The following BAALC variants were observed in gnomAD, a reference collection of about 807,000 sequenced individuals.
BAALC encodes the protein brain and acute leukemia cytoplasmic protein.
Under a neutral mutation model 15.5 loss-of-function variants are expected in BAALC, and 9 were observed. The ratio of observed to expected loss-of-function variants is 0.58; its 90% CI spans 0.35 to 1.02. BAALC has a LOEUF of 1.02. Ranked by LOEUF, BAALC falls within the 50% of genes least tolerant of loss-of-function variation. BAALC has a pLI of 0.02. For synonymous variants in BAALC, 80 were observed against 74.6 expected (o/e 1.07, Z -0.37); for missense variants, 201 against 192.4 (o/e 1.04, Z -0.27).
At position 103,228,368 on chromosome 8, in the gene BAALC, T is replaced by G; in HGVS notation, c.*269T>G. 2.8e-6 allele frequency: 1 copy of G among 354,890 alleles called. No individual in the cohort carries two copies. Among genetic ancestry groups the G allele is most frequent in the Non-Finnish European group, 5.1e-6 (1 of 194,928 alleles). The allele number at this position is 354,890 out of a possible 1,614,324, so 22.0% of individuals were successfully genotyped here. On this transcript the variant is annotated 3_prime_UTR_variant, in exon 3 of 3. Transcript: ENST00000309982. ...GTTCAGTTTGTCTCTTTGCAACTCC[T>G]GTAATACGGTCTGGTGTAAAAGTAG...
chr8:103,189,507 G>T (rs531835166), intron 1 of BAALC, among the ~76,000 whole-genome samples: 4 of 151,266 alleles, frequency 2.6e-5, no homozygotes, highest in African/African-American at 7.4e-5. Flanking sequence ...CAGCCCAGCT[G>T]GGGGGAGAAA....
At chr8:103,166,349 A>C (rs10955311) in intron 1 of BAALC, 13,168 of 152,636 alleles carry the variant, frequency 0.086, 761 homozygotes, top group Middle Eastern at 0.13. Flanking sequence ...GGAGAAGCTA[A>C]ATTTCCATCA....
chr8:103,141,349 A>C, intron 1 of BAALC: 1 of 356,260 alleles, frequency 2.8e-6, no homozygotes, highest in Non-Finnish European at 5.0e-6. Flanking sequence ...GGGTGGGAGG[A>C]CAGCCCACCT....
intron 2 of BAALC, among the ~76,000 whole-genome samples, chr8:103,222,329 C>T (rs1276510610): frequency 1.5e-5 from 2 of 132,874 alleles, no homozygotes; most frequent in Admixed American, 7.4e-5. Flanking sequence ...CCACAAGAGA[C>T]TCTGTGGGGC....
At chr8:103,167,933 G>C (rs1364186383) in intron 1 of BAALC, among the ~76,000 whole-genome samples, 2 of 152,170 alleles carry the variant, frequency 1.3e-5, no homozygotes, top group African/African-American at 4.8e-5. Context: ...CAATATCTCA[G>C]ATAAGTCTTA....
At chr8:103,150,219 C>T (rs1193747592) in intron 1 of BAALC, among the ~76,000 whole-genome samples, 1 of 152,168 alleles carries the variant, frequency 6.6e-6, no homozygotes, top group Non-Finnish European at 1.5e-5. Flanking sequence ...CCCCATGATT[C>T]AATTACCTCC....
chr8:103,224,115 CTG>C (rs4002031), intron 2 of BAALC, among the ~76,000 whole-genome samples: 47,387 of 150,552 alleles, frequency 0.31, 7,519 homozygotes, highest in African/African-American at 0.38. Flanking sequence ...CTGCGTGCGT[CTG>C]TGTGTGTGTG....
At chr8:103,189,045 A>G (rs1035489163) in intron 1 of BAALC, among the ~76,000 whole-genome samples, 1 of 152,256 alleles carries the variant, frequency 6.6e-6, no homozygotes, top group Non-Finnish European at 1.5e-5. Flanking sequence ...AAACAAGGAT[A>G]GTAGTGAGGC....
At chr8:103,159,579 G>C (rs1811176459) in intron 1 of BAALC, among the ~76,000 whole-genome samples, 1 of 151,984 alleles carries the variant, frequency 6.6e-6, no homozygotes, top group Non-Finnish European at 1.5e-5. Context: ...TTAGCATATT[G>C]GATGGGTTTT....
intron 1 of BAALC, 28 bp from the exon 2 acceptor site, chr8:103,212,891 G>C: frequency 6.3e-7 from 1 of 1,594,948 alleles, no homozygotes; most frequent in Non-Finnish European, 8.6e-7. Context: ...GCAAGCTTCT[G>C]GTTCCATCCT....
chr8:103,217,669 A>C (rs1812589904), intron 2 of BAALC, among the ~76,000 whole-genome samples: 1 of 152,080 alleles, frequency 6.6e-6, no homozygotes, highest in Admixed American at 6.5e-5. Flanking sequence ...TTCCTTCTCT[A>C]GAAGATCCCT....
rs1006091226 is a variant in BAALC, at chr8:103,229,513, T to C, written c.*1414T>C. On this transcript the variant is annotated 3_prime_UTR_variant, in exon 3 of 3. Coordinates refer to ENST00000309982, the MANE Select transcript of BAALC (RefSeq NM_024812.3). Reference sequence around the variant, plus strand: ...CTTCCTTCCATTGGCAGATTGTATATTTATTCACAAAACATTAAATGTCCA... The same window carrying C: ...CTTCCTTCCATTGGCAGATTGTATACTTATTCACAAAACATTAAATGTCCA... 8 of 152,212 alleles carry C rather than the reference T, an allele frequency of 5.3e-5. 1 individual carries two copies. Among genetic ancestry groups the C allele is most frequent in the African/African-American group, 1.2e-4 (5 of 41,448 alleles). The allele number at this position is 152,212 out of a possible 1,614,324, so 9.4% of individuals were successfully genotyped here.
chr8:103,221,536 G>T (rs1812677820), intron 2 of BAALC, among the ~76,000 whole-genome samples: 4 of 152,144 alleles, frequency 2.6e-5, no homozygotes, highest in Admixed American at 2.6e-4. Flanking sequence ...GGTATGGGGG[G>T]TGATGTTAAA....
chr8:103,210,047 A>G (rs142293237), intron 1 of BAALC, among the ~76,000 whole-genome samples: 1 of 152,236 alleles, frequency 6.6e-6, no homozygotes, highest in East Asian at 1.9e-4. Context: ...GCAGGTGTAC[A>G]CTGCCCTAGC....
chr8:103,228,239 G>T lies in BAALC; in HGVS notation c.*140G>T. On this transcript the variant is annotated 3_prime_UTR_variant, in exon 3 of 3. Coordinates refer to ENST00000309982, the MANE Select transcript of BAALC (RefSeq NM_024812.3). Reference sequence around the variant, plus strand: ...GTCCCTGGCAAGACTGTCTTACCTGGCAGCAAACTGCTGCCTGATTTGTTG... The same window carrying T: ...GTCCCTGGCAAGACTGTCTTACCTGTCAGCAAACTGCTGCCTGATTTGTTG... 1.6e-6 allele frequency: 1 copy of T among 615,232 alleles called. No individual in the cohort carries two copies. Among genetic ancestry groups the T allele is most frequent in the Non-Finnish European group, 2.9e-6 (1 of 349,480 alleles). The allele number at this position is 615,232 out of a possible 1,614,324, so 38.1% of individuals were successfully genotyped here. A position where few individuals can be genotyped will look rare whatever the true frequency, so the allele number is the denominator to read the frequency against.
In BAALC at chr8:103,140,795, C is replaced by T; in HGVS notation, c.-103C>T. ...GCGGGCGGGAGCGGGGACGCGATGTCGCCGCCGCCGCCTCCTTGCGGGCCG... is the reference window on the plus strand; with the variant it reads ...GCGGGCGGGAGCGGGGACGCGATGTTGCCGCCGCCGCCTCCTTGCGGGCCG... On this transcript the variant is annotated 5_prime_UTR_variant, in exon 1 of 3. Transcript: ENST00000309982. This position sits in a 1 kb window ranked among gnomAD's most constrained non-coding sequence, Gnocchi z 4.2. 3.7e-6 allele frequency: 4 copies of T among 1,088,930 alleles called. No homozygotes were observed. The highest frequency in any genetic ancestry group is 4.6e-6 in the Non-Finnish European group (4 of 861,982). 67.5% of individuals were successfully genotyped at this position (1,088,930 alleles called of 1,614,324 possible).
chr8:103,155,172 T>TCGGACCAAAAAGA, intron 1 of BAALC, among the ~76,000 whole-genome samples: 1 of 152,266 alleles, frequency 6.6e-6, no homozygotes, highest in Middle Eastern at 3.4e-3. Context: ...ATCTATTAGA[T>TCGGACCAAAAAGA]TGGACCAAAA....
intron 1 of BAALC, among the ~76,000 whole-genome samples, chr8:103,158,942 AAAGAT>A (rs772907345): frequency 2.6e-5 from 4 of 152,212 alleles, no homozygotes; most frequent in Non-Finnish European, 4.4e-5. Flanking sequence ...CACCACGAAG[AAAGAT>A]ATCTGAGATC....
chr8:103,170,694 A>T (rs1412322414), intron 1 of BAALC, among the ~76,000 whole-genome samples: 1 of 152,190 alleles, frequency 6.6e-6, no homozygotes, highest in African/African-American at 2.4e-5. Flanking sequence ...CAGAACTGTG[A>T]GACAGTAAAT....
Sources: gnomAD v4.1 joint callset for allele counts (sites outside exome capture counted in the v4.1 genomes callset) on GRCh38, gnomAD v4.1.1 for gene constraint, Gnocchi (gnomAD v3.1) non-coding constraint, MANE v1.5 for transcripts, NCBI Gene and HGNC (gene_info 2026-07-23, HGNC 2026-07-21) for gene names.